The following ADCY9 variants were observed in gnomAD, a reference collection of about 807,000 sequenced individuals.
ADCY9 encodes adenylate cyclase type 9.
Under a neutral mutation model 101.5 loss-of-function variants are expected in ADCY9, and 50 were observed. That is an observed-to-expected ratio of 0.49 (90% CI 0.39 to 0.62). The LOEUF (loss-of-function observed/expected upper bound fraction) is 0.62. Ranked by LOEUF, ADCY9 falls within the 20% of genes least tolerant of loss-of-function variation. The probability of loss-of-function intolerance (pLI) is 0.00; values close to 1 mark genes in which losing one functional copy is unlikely to be tolerated. For missense variants in ADCY9, 1,662 were observed against 1,800.4 expected (o/e 0.92, Z 1.39); for synonymous variants, 905 against 769.3 (o/e 1.18, Z -2.92).
At chr16:3,990,376 G>C (rs2056234236) in intron 5 of ADCY9, among the ~76,000 whole-genome samples, 1 of 151,914 alleles carries the variant, frequency 6.6e-6, no homozygotes, top group East Asian at 1.9e-4. Context: ...TAAGGCAGGA[G>C]AATCACTTGA....
rs371215282 is a variant in ADCY9, at chr16:4,000,647, C to T, written c.1884+6721G>A. Among the ~76,000 whole-genome samples, 323 of 152,246 alleles carry T rather than the reference C, an allele frequency of 2.1e-3. 1 individual carries two copies. In the Middle Eastern group the frequency reaches 0.027, roughly 13 times the overall value. ...AGACAAGTCACCACATGAACACACA[C>T]GTGTAAAACTCACACACACAATCTC... On this transcript the variant is annotated intron_variant, in intron 3 of 10. Coordinates refer to ENST00000294016, the MANE Select transcript of ADCY9 (RefSeq NM_001116.4).
intron 2 of ADCY9, chr16:4,032,118 A>C (rs868444182): frequency 6.6e-6 from 1 of 151,650 alleles, no homozygotes; most frequent in Non-Finnish European, 1.5e-5. Context: ...GTGAAACCCC[A>C]TCTCTACTAA....
In ADCY9 at chr16:3,999,810, T is replaced by C. The variant is rs541108681; in HGVS notation, c.1885-6300A>G. Among the ~76,000 whole-genome samples, 5 of 152,294 alleles carry C rather than the reference T, an allele frequency of 3.3e-5. No homozygotes were observed. In the South Asian group the frequency reaches 8.3e-4, roughly 25 times the overall value. ...ATTTCTCTAACACACTTGGGCACATTTGCATTTGTTTTTAACACATTTCAG... is the reference window on the plus strand; with the variant it reads ...ATTTCTCTAACACACTTGGGCACATCTGCATTTGTTTTTAACACATTTCAG... On this transcript the variant is annotated intron_variant, in intron 3 of 10. Coordinates refer to ENST00000294016, the MANE Select transcript of ADCY9 (RefSeq NM_001116.4).
chr16:4,068,392 T>C lies in ADCY9; in HGVS notation c.1693+45358A>G, dbSNP rs532100920. Among the ~76,000 whole-genome samples, 543 of 152,266 alleles carry C rather than the reference T, an allele frequency of 3.6e-3. 3 individuals are homozygous for C. The highest frequency in any genetic ancestry group is 6.2e-3 in the Non-Finnish European group (419 of 68,010). ...TAATCCCACTGTAAAGAACACGCGC[T>C]ATATATAAATTTGTATATATCCTTC... On this transcript the variant is annotated intron_variant, in intron 2 of 10. Coordinates refer to ENST00000294016, the MANE Select transcript of ADCY9 (RefSeq NM_001116.4).
chr16:4,014,973 G>A (rs546708920), intron 2 of ADCY9, among the ~76,000 whole-genome samples: 7 of 114,452 alleles, frequency 6.1e-5, no homozygotes, highest in Middle Eastern at 9.4e-3. Flanking sequence ...ACAGAGTCTC[G>A]CTGTGTGGCC....
intron 2 of ADCY9, among the ~76,000 whole-genome samples, chr16:4,044,278 C>G (rs1463701622): frequency 6.6e-6 from 1 of 151,764 alleles, no homozygotes; most frequent in African/African-American, 2.4e-5. Flanking sequence ...ACCCAGGAGG[C>G]GGAGGTTGCA....
At chr16:4,063,711 CAA>C (rs372170652) in intron 2 of ADCY9, among the ~76,000 whole-genome samples, 2 of 129,704 alleles carry the variant, frequency 1.5e-5, no homozygotes, top group Admixed American at 8.0e-5. Flanking sequence ...GATCATGTCT[CAA>C]AAAAAAAAAA....
chr16:3,994,837 G>A (rs541067399), intron 3 of ADCY9, among the ~76,000 whole-genome samples: 4 of 152,178 alleles, frequency 2.6e-5, no homozygotes, highest in East Asian at 3.8e-4. Context: ...CCAACTATGC[G>A]AGGACACAAA....
chr16:3,981,170 G>A (rs1387399072), intron 7 of ADCY9, among the ~76,000 whole-genome samples: 2 of 152,214 alleles, frequency 1.3e-5, no homozygotes, highest in African/African-American at 4.8e-5. Flanking sequence ...CTGTTCAGGG[G>A]TGCAGCAGCC....
In ADCY9 at chr16:3,983,458, G is replaced by A. The variant is rs1196359939; in HGVS notation, c.2311-18C>T. 6.3e-7 allele frequency: 1 copy of A among 1,585,288 alleles called. No individual in the cohort carries two copies. The highest frequency in any genetic ancestry group is 8.6e-7 in the Non-Finnish European group (1 of 1,164,072). On this transcript the variant is annotated intron_variant, in intron 6 of 10. Coordinates refer to ENST00000294016, the MANE Select transcript of ADCY9 (RefSeq NM_001116.4). ...TTTATGACCTGTGTGGAGCAGGAGT[G>A]GAGCAGAATGACTGGGAGGCCATGG...
chr16:3,997,758 T>C (rs1200692352), intron 3 of ADCY9, among the ~76,000 whole-genome samples: 1 of 152,204 alleles, frequency 6.6e-6, no homozygotes, highest in Admixed American at 6.5e-5. Context: ...CACAGACCTG[T>C]GTCACCCGGA....
At position 3,974,610 on chromosome 16, in the gene ADCY9, G is replaced by C. The variant is rs2056078614; in HGVS notation, c.2870+59C>G. The C allele has an allele frequency of 3.6e-6, 5 of 1,404,924 alleles. No individual in the cohort carries two copies. In the South Asian group the frequency reaches 6.0e-5, roughly 17 times the overall value. The allele number at this position is 1,404,924 out of a possible 1,614,324, so 87.0% of individuals were successfully genotyped here. On this transcript the variant is annotated intron_variant, in intron 10 of 10. Transcript: ENST00000294016. ...ATTGTTTTCAGGAAGCTTCGAAATGGGCAGGGTAATACAGTCACTCTCGTT... is the reference window on the plus strand; with the variant it reads ...ATTGTTTTCAGGAAGCTTCGAAATGCGCAGGGTAATACAGTCACTCTCGTT...
intron 2 of ADCY9, among the ~76,000 whole-genome samples, chr16:4,066,037 T>C (rs957562512): frequency 6.6e-6 from 1 of 152,182 alleles, no homozygotes; most frequent in Non-Finnish European, 1.5e-5. Context: ...GGGATGTTGT[T>C]TTCCACCTCC....
At chr16:4,090,398 A>C (rs1164840306) in intron 2 of ADCY9, among the ~76,000 whole-genome samples, 1 of 152,158 alleles carries the variant, frequency 6.6e-6, no homozygotes, top group Non-Finnish European at 1.5e-5. Flanking sequence ...TTCTTGTTTT[A>C]ACAACATGAA....
At chr16:4,098,092 C>T (rs767626265) in intron 2 of ADCY9, among the ~76,000 whole-genome samples, 6 of 152,058 alleles carry the variant, frequency 3.9e-5, no homozygotes, top group Non-Finnish European at 8.8e-5. Context: ...AGCAAGGCTC[C>T]TACTAAGGGA....
At chr16:3,982,965 C>A in intron 7 of ADCY9, 1 of 531,656 alleles carries the variant, frequency 1.9e-6, no homozygotes, top group East Asian at 3.0e-5. Context: ...AGTCTCTGAA[C>A]CTGGAAATCT....
At chr16:4,102,330 G>C (rs562607533) in intron 2 of ADCY9, among the ~76,000 whole-genome samples, 1 of 152,186 alleles carries the variant, frequency 6.6e-6, no homozygotes, top group African/African-American at 2.4e-5. Context: ...AATTAAGCCC[G>C]AATGTATCAG....
chr16:4,009,324 C>T lies in ADCY9; in HGVS notation c.1694-1766G>A, dbSNP rs138292142. Reference sequence around the variant, plus strand: ...TCTTGCTCTGTTGCCCAGGCTGGAGCGCAGTGGTGCAACCATGGCTCCCTA... The same window carrying T: ...TCTTGCTCTGTTGCCCAGGCTGGAGTGCAGTGGTGCAACCATGGCTCCCTA... On this transcript the variant is annotated intron_variant, in intron 2 of 10. Coordinates refer to ENST00000294016, the MANE Select transcript of ADCY9 (RefSeq NM_001116.4). Among the ~76,000 whole-genome samples, 248 of 152,206 alleles carry T rather than the reference C, an allele frequency of 1.6e-3. 1 individual carries two copies. Among genetic ancestry groups the T allele is most frequent in the Admixed American group, 3.7e-3 (56 of 15,276 alleles).
At chr16:4,045,594 T>TAAA (rs545715002) in intron 2 of ADCY9, among the ~76,000 whole-genome samples, 11,837 of 64,522 alleles carry the variant, frequency 0.18, 1,712 homozygotes, top group East Asian at 0.26. Context: ...GACTCTGCCT[T>TAAA]AAAAAAAAAA....
Sources: allele counts gnomAD v4.1 joint callset (sites outside exome capture counted in the v4.1 genomes callset), GRCh38; gene constraint gnomAD v4.1.1; transcripts MANE v1.5; gene names NCBI Gene and HGNC (gene_info 2026-07-23, HGNC 2026-07-21).